The following PMF1 variants were observed in gnomAD, a reference collection of about 807,000 sequenced individuals.
The protein encoded by PMF1 is polyamine modulated factor 1, also known as polyamine-modulated factor 1.
PMF1 carries 21 observed loss-of-function variants against 26.7 expected under a neutral mutation model. The ratio of observed to expected loss-of-function variants is 0.79; its 90% CI spans 0.56 to 1.13. The LOEUF is 1.13. PMF1 is among the 50% of genes most tolerant of loss of function. The pLI is 0.00. For synonymous variants in PMF1, 105 were observed against 101.0 expected (o/e 1.04, Z -0.24); for missense variants, 266 against 254.9 (o/e 1.04, Z -0.30).
At chr1:156,223,582 T>C (rs1479463212) in intron 1 of PMF1, 1 of 152,164 alleles carries the variant, frequency 6.6e-6, no homozygotes, top group Non-Finnish European at 1.5e-5. Context: ...GTGAGTTATG[T>C]AGAGTACATA....
At chr1:156,225,025 G>A (rs1272050537) in intron 1 of PMF1, among the ~76,000 whole-genome samples, 2 of 151,374 alleles carry the variant, frequency 1.3e-5, no homozygotes, top group African/African-American at 2.4e-5. Context: ...TCAGCCTCCC[G>A]AGTAGCTGGG....
At chr1:156,215,834 A>G (rs1298971495) in intron 1 of PMF1, among the ~76,000 whole-genome samples, 1 of 152,102 alleles carries the variant, frequency 6.6e-6, no homozygotes, top group African/African-American at 2.4e-5. Flanking sequence ...GATTACAGGC[A>G]TGCACCACCA....
chr1:156,217,583 G>A (rs577509038), intron 1 of PMF1, among the ~76,000 whole-genome samples: 1 of 151,976 alleles, frequency 6.6e-6, no homozygotes, highest in African/African-American at 2.4e-5. Context: ...AAAATTAACC[G>A]GGTGTCATAA....
chr1:156,234,375 G>A (rs1297686033), intron 3 of PMF1, among the ~76,000 whole-genome samples: 1 of 152,132 alleles, frequency 6.6e-6, no homozygotes, highest in Non-Finnish European at 1.5e-5. Flanking sequence ...GGGAGTGGGA[G>A]GAGGCAGAAT....
chr1:156,219,057 A>G (rs1301936321), intron 1 of PMF1, among the ~76,000 whole-genome samples: 1 of 151,756 alleles, frequency 6.6e-6, no homozygotes, highest in East Asian at 2.0e-4. Flanking sequence ...AGCTGGGACT[A>G]CAGGTGCACA....
At chr1:156,227,037 T>C (rs1658406818) in intron 1 of PMF1, among the ~76,000 whole-genome samples, 1 of 152,150 alleles carries the variant, frequency 6.6e-6, no homozygotes, top group Admixed American at 6.5e-5. Flanking sequence ...GGCCTTACCT[T>C]AGCCCCAGTC....
chr1:156,218,440 G>C (rs1178221455), intron 1 of PMF1, among the ~76,000 whole-genome samples: 2 of 152,082 alleles, frequency 1.3e-5, no homozygotes, highest in Non-Finnish European at 2.9e-5. Context: ...GGATCCTCCT[G>C]ACTCCTTTTC....
In PMF1 at chr1:156,218,482, A is replaced by T. The variant is rs978979268; in HGVS notation, c.161+5306A>T. Among the ~76,000 whole-genome samples, 13 of 152,218 alleles carry T rather than the reference A, an allele frequency of 8.5e-5. No individual in the cohort carries two copies. The South Asian group carries it at 1.7e-3, about 19-fold the overall frequency. ...TCTTGACTAACTCAAAGAGCCATTT[A>T]AAAAAATGCCAGATATAGGCCAGGC... On this transcript the variant is annotated intron_variant, in intron 1 of 4. Transcript: ENST00000368277.
At chr1:156,217,032 A>G (rs1396608342) in intron 1 of PMF1, among the ~76,000 whole-genome samples, 10 of 151,436 alleles carry the variant, frequency 6.6e-5, no homozygotes, top group Middle Eastern at 3.4e-3. Context: ...GAATTGAACA[A>G]TGAGATCACA....
chr1:156,219,125 G>T (rs963149237), intron 1 of PMF1, among the ~76,000 whole-genome samples: 2 of 151,368 alleles, frequency 1.3e-5, no homozygotes, highest in Non-Finnish European at 2.9e-5. Context: ...CACCATTTTG[G>T]CCAGGCTGGT....
intron 1 of PMF1, among the ~76,000 whole-genome samples, chr1:156,228,882 G>A (rs915070815): frequency 2.0e-5 from 3 of 152,090 alleles, no homozygotes; most frequent in Non-Finnish European, 4.4e-5. Context: ...AATGCCCATC[G>A]TCTATTCTGT....
rs1320536211 is a variant in PMF1, at chr1:156,233,562, A to G, written c.268-66A>G. ...CAAAATCTTACCAAGTGCTGTCAGC[A>G]GTTTAGCATATTTTTGCCATGAGCT... On this transcript the variant is annotated intron_variant, in intron 2 of 4. Transcript: ENST00000368277. 7 of 1,511,060 alleles carry G rather than the reference A, an allele frequency of 4.6e-6. No homozygotes were observed. In the East Asian group the frequency reaches 1.4e-4, roughly 30 times the overall value. The allele number at this position is 1,511,060 out of a possible 1,614,324, so 93.6% of individuals were successfully genotyped here. A position where few individuals can be genotyped will look rare whatever the true frequency, so the allele number is the denominator to read the frequency against.
rs1291499975 is a variant in PMF1, at chr1:156,234,077, TA to T, written c.368+357del. 5.3e-5 allele frequency among the ~76,000 whole-genome samples: 8 copies of T among 152,140 alleles called. No individual in the cohort carries two copies. The South Asian group carries it at 1.2e-3, about 24-fold the overall frequency. ...GGGCAATATAGTGAGACCCTGTCTCTAAAAAAAACTTTTAAAAGGCTGACCC... is the reference window on the plus strand; with the variant it reads ...GGGCAATATAGTGAGACCCTGTCTCTAAAAAAACTTTTAAAAGGCTGACCC... On this transcript the variant is annotated intron_variant, in intron 3 of 4. Coordinates refer to ENST00000368277, the MANE Select transcript of PMF1 (RefSeq NM_007221.4).
chr1:156,238,348 G>A (rs1428505877), intron 4 of PMF1, among the ~76,000 whole-genome samples: 1 of 152,216 alleles, frequency 6.6e-6, no homozygotes, highest in Non-Finnish European at 1.5e-5. Context: ...ACAATTGTGT[G>A]TCCTTTGAGG....
At chr1:156,237,550 C>G (rs1431790517) in intron 4 of PMF1, among the ~76,000 whole-genome samples, 2 of 148,260 alleles carry the variant, frequency 1.3e-5, no homozygotes, top group Non-Finnish European at 3.0e-5. Flanking sequence ...AGGTTCAAGC[C>G]ATTCTCATGC....
At chr1:156,220,056 C>T (rs907367305) in intron 1 of PMF1, among the ~76,000 whole-genome samples, 12 of 151,682 alleles carry the variant, frequency 7.9e-5, no homozygotes, top group Non-Finnish European at 1.3e-4. Flanking sequence ...CTCCACCTCC[C>T]GGGTTCACGC....
At position 156,232,380 on chromosome 1, in the gene PMF1, G is replaced by A; in HGVS notation, c.222G>A (p.Gln74=). 1 of 1,614,060 alleles carries A rather than the reference G, an allele frequency of 6.2e-7. No individual in the cohort carries two copies. The highest frequency in any genetic ancestry group is 8.5e-7 in the Non-Finnish European group (1 of 1,179,930). The change falls in exon 2 of 5, where the codon CAG becomes CAA. Residue 74 remains glutamine (Q), a synonymous_variant. Transcript: ENST00000368277. The part of the protein sequence containing the change: ...CFYQLQPAMT[Q]QIYDKFIAQL... ...ACCAGTTGCAGCCTGCGATGACACA[G>A]CAAATCTATGACAAGTTTATAGCTC...
chr1:156,213,371 G>T (rs187158516), intron 1 of PMF1, among the ~76,000 whole-genome samples, 195 bp downstream of exon 1: 2 of 152,176 alleles, frequency 1.3e-5, no homozygotes, highest in Non-Finnish European at 2.9e-5. Flanking sequence ...TAGCGGACCG[G>T]GATAGCTAGC....
chr1:156,217,004 A>G (rs1379893362), intron 1 of PMF1, among the ~76,000 whole-genome samples: 2 of 151,750 alleles, frequency 1.3e-5, no homozygotes, highest in African/African-American at 2.4e-5. Flanking sequence ...AACACCGCAT[A>G]TTCTAACTCA....
Sources: allele counts gnomAD v4.1 joint callset (sites outside exome capture counted in the v4.1 genomes callset), GRCh38; gene constraint gnomAD v4.1.1; transcripts MANE v1.5; gene names NCBI Gene and HGNC (gene_info 2026-07-23, HGNC 2026-07-21).